The following ZNF644 variants were observed in gnomAD, a reference collection of about 807,000 sequenced individuals.
The protein encoded by ZNF644 is zinc finger protein 644.
Under a neutral mutation model 108.0 loss-of-function variants are expected in ZNF644, and 20 were observed. The observed-to-expected ratio is 0.19, with a 90% confidence interval of 0.13 to 0.27. The LOEUF (loss-of-function observed/expected upper bound fraction) is 0.27. ZNF644 is among the 10% of genes least tolerant of loss of function. The probability of loss-of-function intolerance (pLI) is 1.00; values close to 1 mark genes in which losing one functional copy is unlikely to be tolerated. For synonymous variants in ZNF644, 542 were observed against 539.1 expected, an observed-to-expected ratio of 1.01 and a Z score of -0.08; for missense variants, 1,338 against 1,548.9, an observed-to-expected ratio of 0.86 and a Z score of 2.29.
intron 2 of ZNF644, among the ~76,000 whole-genome samples, chr1:90,943,595 T>C (rs1295356417): frequency 6.6e-6 from 1 of 152,206 alleles, no homozygotes; most frequent in Non-Finnish European, 1.5e-5. Context: ...TTGTTTTTTA[T>C]ACCAACAATC....
intron 1 of ZNF644, among the ~76,000 whole-genome samples, chr1:91,005,617 T>C (rs567365090): frequency 2.0e-4 from 31 of 152,140 alleles, no homozygotes; most frequent in African/African-American, 7.5e-4. Context: ...TAGAAATCAA[T>C]ACCAGAAGGA....
intron 1 of ZNF644, among the ~76,000 whole-genome samples, chr1:90,989,810 T>G (rs377203827): frequency 1.3e-5 from 2 of 152,202 alleles, no homozygotes; most frequent in East Asian, 3.9e-4. Context: ...CAATCCCACT[T>G]CTGGGCATAT....
intron 2 of ZNF644, among the ~76,000 whole-genome samples, chr1:90,969,814 T>C (rs1037701170): frequency 2.0e-5 from 3 of 152,226 alleles, no homozygotes; most frequent in African/African-American, 4.8e-5. Flanking sequence ...CCATATAGGT[T>C]CTGTACTGAG....
At chr1:90,990,493 G>A (rs989116721) in intron 1 of ZNF644, among the ~76,000 whole-genome samples, 1 of 148,800 alleles carries the variant, frequency 6.7e-6, no homozygotes, top group Non-Finnish European at 1.5e-5. Context: ...AGGGAAACAA[G>A]GTGAGCAAAC....
intron 4 of ZNF644, among the ~76,000 whole-genome samples, chr1:90,928,480 G>C (rs1039417599): frequency 2.6e-5 from 4 of 151,764 alleles, no homozygotes; most frequent in Non-Finnish European, 5.9e-5. Flanking sequence ...ACCACGCCTG[G>C]CTAGTTCTTT....
chr1:90,920,707 C>T lies in ZNF644; in HGVS notation c.3689-2553G>A, dbSNP rs552329814. On this transcript the variant is annotated intron_variant, in intron 4 of 5. Coordinates refer to ENST00000337393, the MANE Select transcript of ZNF644 (RefSeq NM_201269.3). ...ATTATAACCTTGGAAAGCAGGACAA[C>T]TCTGCCAGCTTATGACTGATCAATC... Among the ~76,000 whole-genome samples the T allele has an allele frequency of 7.9e-5, 12 of 152,106 alleles. No homozygotes were observed. The South Asian group carries it at 2.5e-3, about 31-fold the overall frequency.
intron 1 of ZNF644, among the ~76,000 whole-genome samples, chr1:91,009,140 C>T (rs1217162646): frequency 2.6e-5 from 4 of 151,956 alleles, no homozygotes; most frequent in Non-Finnish European, 4.4e-5. Flanking sequence ...TGGAAAGGAG[C>T]GAAGGGGAAA....
intron 4 of ZNF644, among the ~76,000 whole-genome samples, chr1:90,927,454 G>A (rs1386887812): frequency 6.6e-6 from 1 of 152,002 alleles, no homozygotes; most frequent in Non-Finnish European, 1.5e-5. Context: ...CAAAATACTC[G>A]ATTAAATTAT....
chr1:91,007,220 A>ATTTTTTTTTTT lies in ZNF644; in HGVS notation c.-18+14769_-18+14770insAAAAAAAAAAA, dbSNP rs1557658483. Among the ~76,000 whole-genome samples the ATTTTTTTTTTT allele has an allele frequency of 5.6e-4, 17 of 30,276 alleles. 2 individuals are homozygous for ATTTTTTTTTTT. Among genetic ancestry groups the ATTTTTTTTTTT allele is most frequent in the Non-Finnish European group, 7.2e-4 (11 of 15,280 alleles). The allele number at this position is 30,276 out of a possible 152,430, so 19.9% of individuals were successfully genotyped here. A position where few individuals can be genotyped will look rare whatever the true frequency, so the allele number is the denominator to read the frequency against. ...TTCTTAATTTCTTCCATTTTCTCCC[A>ATTTTTTTTTTT]TTTTGTTTTTTTTTTTTTTTTTTTT... On this transcript the variant is annotated intron_variant, in intron 1 of 5. Transcript: ENST00000337393.
chr1:90,977,435 T>C (rs1051859573), intron 2 of ZNF644, among the ~76,000 whole-genome samples: 1 of 152,184 alleles, frequency 6.6e-6, no homozygotes, highest in Non-Finnish European at 1.5e-5. Flanking sequence ...ACTGATGGAC[T>C]TAACAGTAAA....
In ZNF644 at chr1:90,924,845, A is replaced by G. The variant is rs75878626; in HGVS notation, c.3689-6691T>C. 2.7e-5 allele frequency among the ~76,000 whole-genome samples: 4 copies of G among 148,574 alleles called. No homozygotes were observed. The East Asian group carries it at 5.9e-4, about 22-fold the overall frequency. On this transcript the variant is annotated intron_variant, in intron 4 of 5. Transcript: ENST00000337393. ...TCATTCTTCAAACCCTAGGCATACC[A>G]AAAAAAAAAGTAAATTCTACTTTTC...
Position 90,916,721 on chromosome 1 carries a change from A to T in ZNF644, c.*77T>A. 1 of 1,515,510 alleles carries T rather than the reference A, an allele frequency of 6.6e-7. No individual in the cohort carries two copies. Among genetic ancestry groups the T allele is most frequent in the Non-Finnish European group, 9.1e-7 (1 of 1,097,776 alleles). 93.9% of individuals were successfully genotyped at this position (1,515,510 alleles called of 1,614,324 possible). ...CCTGCTTTAGTATTTATAAACAGAT[A>T]ATTTAATGTGGCTTAAAAAAAAAGA... On this transcript the variant is annotated 3_prime_UTR_variant, in exon 6 of 6. Transcript: ENST00000337393.
chr1:90,998,544 C>G (rs1415483787), intron 1 of ZNF644, among the ~76,000 whole-genome samples: 2 of 152,140 alleles, frequency 1.3e-5, no homozygotes, highest in Non-Finnish European at 2.9e-5. Context: ...AACCCCATCT[C>G]TACGTCATCT....
chr1:90,949,613 C>T (rs1391851668), intron 2 of ZNF644, among the ~76,000 whole-genome samples: 1 of 151,842 alleles, frequency 6.6e-6, no homozygotes, highest in African/African-American at 2.4e-5. Context: ...AATAAAATTA[C>T]AAGAATAAAA....
chr1:90,965,415 C>T (rs931928069), intron 2 of ZNF644, among the ~76,000 whole-genome samples: 1 of 152,032 alleles, frequency 6.6e-6, no homozygotes, highest in African/African-American at 2.4e-5. Flanking sequence ...CTGGACAAGC[C>T]CACCCTAATG....
chr1:91,004,462 A>G (rs1232658565), intron 1 of ZNF644, among the ~76,000 whole-genome samples: 1 of 152,224 alleles, frequency 6.6e-6, no homozygotes, highest in East Asian at 1.9e-4. Context: ...TTCATAACAG[A>G]AGGAGAAATT....
intron 1 of ZNF644, among the ~76,000 whole-genome samples, chr1:91,012,933 T>C (rs545006134): frequency 2.0e-5 from 3 of 152,342 alleles, no homozygotes; most frequent in East Asian, 1.9e-4. Context: ...CTCCATCATA[T>C]TGTTAATCAC....
chr1:90,917,114 T>C, intron 5 of ZNF644, 124 bp from the exon 6 acceptor site: 1 of 996,434 alleles, frequency 1.0e-6, no homozygotes, highest in Non-Finnish European at 1.5e-6. Flanking sequence ...TGATAAAGTT[T>C]CTAAAGTCAA....
chr1:90,960,196 A>T (rs1037232427), intron 2 of ZNF644, among the ~76,000 whole-genome samples: 6 of 152,146 alleles, frequency 3.9e-5, no homozygotes, highest in African/African-American at 1.4e-4. Context: ...TAAAAAGGTG[A>T]AAGTTCTCAA....
Sources: gnomAD v4.1 joint callset for allele counts (sites outside exome capture counted in the v4.1 genomes callset) on GRCh38, gnomAD v4.1.1 for gene constraint, MANE v1.5 for transcripts, NCBI Gene and HGNC (gene_info 2026-07-23, HGNC 2026-07-21) for gene names.